Variants in LAMA2 observed in about 807,000 individuals in gnomAD.
LAMA2 encodes laminin subunit alpha 2, also known as laminin subunit alpha-2.
A neutral mutation model predicts 364.8 loss-of-function variants in LAMA2; 269 were observed. The ratio of observed to expected loss-of-function variants is 0.74; its 90% CI spans 0.67 to 0.82. The LOEUF (loss-of-function observed/expected upper bound fraction) is 0.82, where lower values mean the gene tolerates loss of function less well. Among genes scored for constraint, LAMA2 ranks in the 40% least tolerant of loss-of-function variants. The pLI is 0.00. For missense variants in LAMA2, 3,807 were observed against 3,873.2 expected (o/e 0.98, Z 0.45); for synonymous variants, 1,379 against 1,370.6 (o/e 1.01, Z -0.14).
At chr6:129,514,277 A>G in intron 63 of LAMA2, 96 bp from the exon 64 acceptor site, 1 of 910,018 alleles carries the variant, frequency 1.1e-6, no homozygotes, top group Non-Finnish European at 1.8e-6. Flanking sequence ...ATTCTGGCTG[A>G]TGTCTTTCCT....
At chr6:129,423,693 T>A (rs972695765) in intron 40 of LAMA2, among the ~76,000 whole-genome samples, 1 of 152,068 alleles carries the variant, frequency 6.6e-6, no homozygotes, top group Non-Finnish European at 1.5e-5. Context: ...ATTAAAAGGT[T>A]ACAGTTTACA....
At chr6:128,908,204 G>A (rs1372117891) in intron 1 of LAMA2, among the ~76,000 whole-genome samples, 2 of 149,118 alleles carry the variant, frequency 1.3e-5, no homozygotes, top group African/African-American at 2.5e-5. Context: ...AGTTTCAGAA[G>A]GAATGGTACC....
chr6:129,391,751 C>G (rs926456247), intron 36 of LAMA2, 98 bp downstream of exon 36: 2 of 1,015,314 alleles, frequency 2.0e-6, no homozygotes, highest in African/African-American at 3.2e-5. Flanking sequence ...GTAAAAGATG[C>G]TTTGTTTTTC....
intron 18 of LAMA2, among the ~76,000 whole-genome samples, chr6:129,283,032 C>A (rs886679181): frequency 6.6e-6 from 1 of 152,060 alleles, no homozygotes; most frequent in African/African-American, 2.4e-5. Flanking sequence ...GGTATTCTGT[C>A]ACAAGTTGAA....
intron 12 of LAMA2, among the ~76,000 whole-genome samples, chr6:129,193,605 G>A (rs1265637391): frequency 3.3e-5 from 5 of 152,108 alleles, no homozygotes; most frequent in African/African-American, 1.2e-4. Context: ...ATTTATAAAC[G>A]TGAATACTTG....
chr6:128,885,140 T>C (rs990848503), intron 1 of LAMA2, among the ~76,000 whole-genome samples: 4 of 152,188 alleles, frequency 2.6e-5, no homozygotes, highest in African/African-American at 9.7e-5. Flanking sequence ...ACATACAATC[T>C]ACTATAGGCT....
intron 37 of LAMA2, among the ~76,000 whole-genome samples, chr6:129,400,885 A>G (rs1779930007): frequency 6.6e-6 from 1 of 152,258 alleles, no homozygotes; most frequent in Non-Finnish European, 1.5e-5. Flanking sequence ...TTCAATATGT[A>G]GTACCAATAT....
chr6:129,085,616 G>A (rs1363542418), intron 3 of LAMA2, among the ~76,000 whole-genome samples: 2 of 152,124 alleles, frequency 1.3e-5, no homozygotes, highest in Non-Finnish European at 2.9e-5. Flanking sequence ...AGCCAAACTT[G>A]CTAACAGCAA....
chr6:129,076,490 A>ATATT (rs932272643), intron 3 of LAMA2, among the ~76,000 whole-genome samples: 40 of 12,424 alleles, frequency 3.2e-3, no homozygotes, highest in Admixed American at 4.4e-3. Flanking sequence ...TATCTTATAT[A>ATATT]TTATATATAA....
chr6:129,224,604 CAT>C (rs1416776795), intron 12 of LAMA2, among the ~76,000 whole-genome samples: 2 of 151,904 alleles, frequency 1.3e-5, no homozygotes, highest in East Asian at 3.9e-4. Flanking sequence ...TTGAGATAAT[CAT>C]GTGGTTTTTG....
intron 35 of LAMA2, among the ~76,000 whole-genome samples, chr6:129,391,286 A>C (rs1355847967): frequency 2.0e-5 from 3 of 152,126 alleles, no homozygotes; most frequent in African/African-American, 7.2e-5. Flanking sequence ...TGTAACCCCC[A>C]AAAGAAATAT....
At chr6:129,120,090 C>A (rs1479360416) in intron 4 of LAMA2, among the ~76,000 whole-genome samples, 2 of 152,034 alleles carry the variant, frequency 1.3e-5, no homozygotes, top group East Asian at 3.9e-4. Flanking sequence ...ATAAAAGAAA[C>A]AAATATGTCT....
chr6:129,403,364 G>A (rs964274319), intron 39 of LAMA2, among the ~76,000 whole-genome samples: 3 of 152,186 alleles, frequency 2.0e-5, no homozygotes, highest in Admixed American at 2.0e-4. Context: ...TCCTTACTTG[G>A]GGACATATTG....
intron 30 of LAMA2, among the ~76,000 whole-genome samples, chr6:129,348,879 A>C (rs549565771): frequency 6.6e-6 from 1 of 152,318 alleles, no homozygotes; most frequent in African/African-American, 2.4e-5. Flanking sequence ...AAAAATTTAT[A>C]TAGATTTTAT....
intron 2 of LAMA2, among the ~76,000 whole-genome samples, chr6:129,056,628 T>C (rs989236649): frequency 2.6e-5 from 4 of 152,188 alleles, no homozygotes; most frequent in Non-Finnish European, 4.4e-5. Flanking sequence ...AAACATAGTC[T>C]TCATGTTTTC....
chr6:128,978,351 T>TTC lies in LAMA2; in HGVS notation c.113-71566_113-71565insCT, dbSNP rs1562888542. 4.8e-5 allele frequency among the ~76,000 whole-genome samples: 7 copies of TTC among 144,480 alleles called. No homozygotes were observed. In the South Asian group the frequency reaches 1.3e-3, roughly 26 times the overall value. 94.8% of individuals were successfully genotyped at this position (144,480 alleles called of 152,430 possible). ...AAAGTACCTGCCCTTCTTTCTTTCT[T>TTC]TTTTTTTTTTTTTTTTGAGAGCATG... On this transcript the variant is annotated intron_variant, in intron 1 of 64. Coordinates refer to ENST00000421865, the MANE Select transcript of LAMA2 (RefSeq NM_000426.4).
In LAMA2 at chr6:129,315,627, A is replaced by C; in HGVS notation, c.3707A>C (p.Lys1236Thr). The change falls in exon 25 of 65, where the codon AAA becomes ACA. Residue 1236 changes from lysine to threonine, a missense_variant. Around this residue, in one of 3 missense-constraint regions of LAMA2, gnomAD observed 3,333 missense variants for 3,345.7 expected, o/e 1.00. Transcript: ENST00000421865. ...EDLHLEPFYW[K>T]LPEQFEGKKL... ...CTCCATTTGGAACCTTTTTATTGGA[A>C]ACTTCCAGAACAATTTGAAGGAAAG... is the stretch of plus-strand genomic sequence containing the variant. 1 of 1,614,202 alleles carries C rather than the reference A, an allele frequency of 6.2e-7. No individual in the cohort carries two copies.
rs183218438 is a variant in LAMA2, at chr6:129,419,967, T to G, written c.5866-7785T>G. The stretch of plus-strand genomic sequence containing the variant: ...CTTAAAAATTGATGCATGGTGATTT[T>G]CTTATTTTAAAATTGTGTATGATTT... On this transcript the variant is annotated intron_variant, in intron 40 of 64. Coordinates refer to ENST00000421865, the MANE Select transcript of LAMA2 (RefSeq NM_000426.4). 2.9e-4 allele frequency among the ~76,000 whole-genome samples: 44 copies of G among 152,284 alleles called. 3 individuals are homozygous for G. The highest frequency in any genetic ancestry group is 1.1e-3 in the African/African-American group (44 of 41,550).
chr6:129,440,719 C>A, intron 42 of LAMA2, 97 bp from the exon 43 acceptor site: 2 of 1,073,722 alleles, frequency 1.9e-6, no homozygotes, highest in Non-Finnish European at 2.9e-6. Flanking sequence ...TAAATGTGTC[C>A]GAGGTCAGCC....
Sources: allele counts gnomAD v4.1 joint callset (sites outside exome capture counted in the v4.1 genomes callset), GRCh38; gene constraint gnomAD v4.1.1; regional missense constraint gnomAD v4.1.1; transcripts MANE v1.5; gene names NCBI Gene and HGNC (gene_info 2026-07-23, HGNC 2026-07-21).